DGKQ: variants seen among roughly 807,000 people sequenced by gnomAD.
DGKQ encodes DAG kinase theta.
DGKQ carries 97 observed loss-of-function variants against 104.2 expected under a neutral mutation model. The ratio of observed to expected loss-of-function variants is 0.93; its 90% CI spans 0.79 to 1.10. The LOEUF (loss-of-function observed/expected upper bound fraction) is 1.10, where lower values mean the gene tolerates loss of function less well. Among genes scored for constraint, DGKQ ranks in the 50% least tolerant of loss-of-function variants. DGKQ has a pLI of 0.00. For missense variants in DGKQ, 1,465 were observed against 1,352.1 expected (o/e 1.08, Z -1.31); for synonymous variants, 736 against 595.2 (o/e 1.24, Z -3.44).
At position 961,822 on chromosome 4, in the gene DGKQ, CTTG is replaced by C. The variant is rs761488321; in HGVS notation, c.2325_2327del (p.Asn775del). ...GCAGCCCCACCCGCACGTACACACC[CTTG>C]TTGTGCAGCCTGCAGGACGGGGCAG... On this transcript the variant is annotated inframe_deletion, in exon 20 of 23. Transcript: ENST00000273814. The C allele has an allele frequency of 3.1e-6, 5 of 1,601,714 alleles. No individual in the cohort carries two copies. The highest frequency in any genetic ancestry group is 4.3e-6 in the Non-Finnish European group (5 of 1,174,058).
chr4:961,781 G>A lies in DGKQ; in HGVS notation c.2369C>T (p.Ser790Phe). The change falls in exon 20 of 23, where the codon TCT becomes TTT. Residue 790 changes from serine to phenylalanine, a missense_variant. Physicochemically the swap from Ser to Phe is radical, Grantham distance 155. Transcript: ENST00000273814. ...CCGGATCTGCTTGTGCAGGCTCCGA[G>A]AGTGACTGATCTTCTGCAGCCCCAC... ...VRVGLQKISH[S>F]RSLHKQIRLQ... 6.2e-7 allele frequency: 1 copy of A among 1,611,340 alleles called. No individual in the cohort carries two copies. The highest frequency in any genetic ancestry group is 8.5e-7 in the Non-Finnish European group (1 of 1,179,274).
chr4:972,912 G>A (rs1156480689), intron 1 of DGKQ, among the ~76,000 whole-genome samples: 1 of 152,254 alleles, frequency 6.6e-6, no homozygotes. Context: ...CACTGGGAGA[G>A]GAAGCCGGCC....
intron 2 of DGKQ, among the ~76,000 whole-genome samples, chr4:970,218 C>A (rs1712821850): frequency 6.6e-6 from 1 of 152,378 alleles, no homozygotes; most frequent in African/African-American, 2.4e-5. Flanking sequence ...GCTGGCCTGG[C>A]TTCCCGTCCT....
intron 12 of DGKQ, 124 bp downstream of exon 12, chr4:966,342 T>C (rs1287046182): frequency 8.9e-7 from 1 of 1,122,828 alleles, no homozygotes; most frequent in Non-Finnish European, 1.3e-6. Context: ...CGCTGCCCTG[T>C]CAGCCAGGAC....
rs745570650 is a variant in DGKQ, at chr4:968,385, C to G, written c.560G>C (p.Arg187Pro). 6.4e-7 allele frequency: 1 copy of G among 1,569,652 alleles called. No individual in the cohort carries two copies. The highest frequency in any genetic ancestry group is 8.6e-7 in the Non-Finnish European group (1 of 1,159,048). ...QDHDTHHHHW[R>P]EGNLPSGARC... ...CGCTCCCGAGGGCAGGTTCCCCTCC[C>G]GCCAGTGGTGGTGATGGGTGTCCTG... is the stretch of plus-strand genomic sequence containing the variant. The change falls in exon 5 of 23, where the codon CGG (arginine) becomes CCG (proline). Residue 187 changes from arginine (R) to proline (P), a missense_variant. Transcript: ENST00000273814.
At chr4:963,118 C>T (rs761695400) in intron 16 of DGKQ, 21 bp downstream of exon 16, 8 of 1,583,528 alleles carry the variant, frequency 5.1e-6, no homozygotes, top group Non-Finnish European at 6.9e-6. Context: ...TGCCCTGGAC[C>T]AGGGGTCCTG....
intron 19 of DGKQ, 46 bp from the exon 20 acceptor site, chr4:961,880 C>A (rs918219786): frequency 1.3e-6 from 2 of 1,596,722 alleles, no homozygotes; most frequent in Non-Finnish European, 1.7e-6. Flanking sequence ...AGCCCTACCC[C>A]GCCTTAGGCA....
At chr4:969,087 CA>C (rs1712717558) in intron 2 of DGKQ, among the ~76,000 whole-genome samples, 177 bp from the exon 3 acceptor site, 1 of 152,180 alleles carries the variant, frequency 6.6e-6, no homozygotes, top group Non-Finnish European at 1.5e-5. Flanking sequence ...GTCCTGGGGA[CA>C]GCCTGGCTGG....
Position 967,705 on chromosome 4 carries a change from G to C in DGKQ, c.886+23C>G, listed in dbSNP as rs369829336. 3.4e-5 allele frequency: 55 copies of C among 1,611,964 alleles called. No individual in the cohort carries two copies. In the Admixed American group the frequency reaches 7.0e-4, roughly 21 times the overall value. On this transcript the variant is annotated intron_variant, in intron 7 of 22. Transcript: ENST00000273814. ...CGCCCGGGGGACCTCAGTGGAGTTG[G>C]GGGGAATGAGGCGGGCACTTACCGG...
rs1203346026 is a variant in DGKQ at position 967,729 on chromosome 4, G to A, written c.885C>T (p.Ser295=). The change falls in exon 7 of 23, where the codon TCC becomes TCT. Residue 295 remains serine (S), a splice_region_variant and synonymous_variant. Coordinates refer to ENST00000273814, the MANE Select transcript of DGKQ (RefSeq NM_001347.4). ...GGGGGGAATGAGGCGGGCACTTACC[G>A]GACTCCGGAGTTGCCTGTGTCTCTC... The part of the protein sequence containing the change: ...PGRETQATPE[S]GKQTLKIFDG... 1.5e-5 allele frequency: 24 copies of A among 1,611,012 alleles called. No individual in the cohort carries two copies. The highest frequency in any genetic ancestry group is 2.0e-5 in the Non-Finnish European group (24 of 1,179,178).
chr4:963,704 G>C (rs1470327362), intron 15 of DGKQ, among the ~76,000 whole-genome samples: 1 of 152,064 alleles, frequency 6.6e-6, no homozygotes, highest in East Asian at 1.9e-4. Flanking sequence ...ACCTTTGGAG[G>C]ATGGCGGCTC....
intron 21 of DGKQ, 124 bp from the exon 22 acceptor site, chr4:961,325 G>T: frequency 8.0e-7 from 1 of 1,252,380 alleles, no homozygotes. Context: ...CTGGCCCTGG[G>T]GCGGGAGAGG....
intron 1 of DGKQ, among the ~76,000 whole-genome samples, chr4:972,790 C>T (rs1713037934): frequency 6.6e-6 from 1 of 152,186 alleles, no homozygotes; most frequent in African/African-American, 2.4e-5. Context: ...CGCACCGGGA[C>T]GGCAGGGCCC....
At chr4:961,875 T>C (rs1197827481) in intron 19 of DGKQ, 41 bp from the exon 20 acceptor site, 3 of 1,595,366 alleles carry the variant, frequency 1.9e-6, no homozygotes, top group South Asian at 2.3e-5. Context: ...GGGGAAGCCC[T>C]ACCCCGCCTT....
intron 2 of DGKQ, among the ~76,000 whole-genome samples, chr4:970,127 G>A (rs1441233049): frequency 6.6e-6 from 1 of 152,234 alleles, no homozygotes; most frequent in Admixed American, 6.5e-5. Flanking sequence ...CTCACACCCG[G>A]GGAACTGCAT....
intron 15 of DGKQ, among the ~76,000 whole-genome samples, chr4:964,665 C>T (rs1712155771): frequency 2.0e-5 from 3 of 152,322 alleles, no homozygotes; most frequent in East Asian, 1.9e-4. Flanking sequence ...GCTGCACTGA[C>T]TGGCCTGGGG....
At position 962,375 on chromosome 4, in the gene DGKQ, G is replaced by A. The variant is rs142960581; in HGVS notation, c.2214+60C>T. The A allele has an allele frequency of 5.0e-4, 730 of 1,462,246 alleles. 13 individuals carry two copies. In the East Asian group the frequency reaches 0.017, roughly 35 times the overall value. 90.6% of individuals were successfully genotyped at this position (1,462,246 alleles called of 1,614,324 possible). ...CTGGGAAGAGGACGCCCGTTGTGAC[G>A]CGTGTAGCGGGGTCATATGCAGGAG... On this transcript the variant is annotated intron_variant, in intron 18 of 22. Coordinates refer to ENST00000273814, the MANE Select transcript of DGKQ (RefSeq NM_001347.4).
chr4:960,110 G>C lies in DGKQ; in HGVS notation c.*510C>G, dbSNP rs537532316. ...CACGCTGCCCACACCTGCTGCCCAGGGCGGGGAGGTGAGGCTGGAGGGACT... is the reference window on the plus strand; with the variant it reads ...CACGCTGCCCACACCTGCTGCCCAGCGCGGGGAGGTGAGGCTGGAGGGACT... On this transcript the variant is annotated 3_prime_UTR_variant, in exon 23 of 23. Transcript: ENST00000273814. 6.3e-6 allele frequency: 1 copy of C among 158,538 alleles called. No homozygotes were observed. The highest frequency in any genetic ancestry group is 6.1e-5 in the Admixed American group (1 of 16,366). The allele number at this position is 158,538 out of a possible 1,614,324, so 9.8% of individuals were successfully genotyped here. A position where few individuals can be genotyped will look rare whatever the true frequency, so the allele number is the denominator to read the frequency against.
Position 963,233 on chromosome 4 carries a change from C to T in DGKQ, c.1792G>A (p.Gly598Arg), listed in dbSNP as rs1712023834. 6.2e-7 allele frequency: 1 copy of T among 1,611,614 alleles called. No individual in the cohort carries two copies. The highest frequency in any genetic ancestry group is 8.5e-7 in the Non-Finnish European group (1 of 1,178,944). ...PLLVFVNPKS[G>R]GLKGRDLLCS... ...AGCAGGTCTCGGCCCTTGAGGCCTC[C>T]ACTCTTGGGGTTCACGAACACAAGG... The change falls in exon 16 of 23, where the codon GGA becomes AGA. Residue 598 changes from glycine to arginine, a missense_variant. Gly to Arg is a moderately radical substitution (Grantham distance 125, BLOSUM62 -2). Coordinates refer to ENST00000273814, the MANE Select transcript of DGKQ (RefSeq NM_001347.4).
Sources: allele counts gnomAD v4.1 joint callset (sites outside exome capture counted in the v4.1 genomes callset), GRCh38; gene constraint gnomAD v4.1.1; transcripts MANE v1.5; gene names NCBI Gene and HGNC (gene_info 2026-07-23, HGNC 2026-07-21).